SPHKAP: variants seen among roughly 807,000 people sequenced by gnomAD.
The protein encoded by SPHKAP is SPHK1 interactor, AKAP domain containing, also known as A-kinase anchor protein SPHKAP.
SPHKAP carries 67 observed loss-of-function variants against 137.5 expected under a neutral mutation model. That is an observed-to-expected ratio of 0.49 (90% CI 0.40 to 0.60). The LOEUF is 0.60. Ranked by LOEUF, SPHKAP falls within the 20% of genes least tolerant of loss-of-function variation. SPHKAP has a pLI of 0.00. For missense variants in SPHKAP, 2,097 were observed against 2,069.3 expected (o/e 1.01, Z -0.26); for synonymous variants, 813 against 785.3 (o/e 1.04, Z -0.59).
At chr2:228,011,543 T>G (rs1409321442) in intron 7 of SPHKAP, among the ~76,000 whole-genome samples, 1 of 152,170 alleles carries the variant, frequency 6.6e-6, no homozygotes, top group Non-Finnish European at 1.5e-5. Flanking sequence ...CAAATAAGGG[T>G]AAATAAAATA....
chr2:228,117,741 C>T (rs979644700), intron 2 of SPHKAP, among the ~76,000 whole-genome samples: 5 of 151,994 alleles, frequency 3.3e-5, no homozygotes, highest in African/African-American at 9.7e-5. Context: ...ACAGTTTCAT[C>T]ACCTTCCTCA....
At chr2:228,109,395 C>A (rs542758786) in intron 2 of SPHKAP, 2 of 984,176 alleles carry the variant, frequency 2.0e-6, no homozygotes, top group Non-Finnish European at 2.4e-6. Flanking sequence ...TAGCTTTGAA[C>A]TAGTGTACAA....
chr2:228,104,819 C>G (rs1698289435), intron 3 of SPHKAP, among the ~76,000 whole-genome samples: 3 of 152,024 alleles, frequency 2.0e-5, no homozygotes. Flanking sequence ...CTGACAGTAA[C>G]TATGAATAGA....
At chr2:228,097,856 A>G (rs912312593) in intron 3 of SPHKAP, among the ~76,000 whole-genome samples, 1 of 152,156 alleles carries the variant, frequency 6.6e-6, no homozygotes, top group Non-Finnish European at 1.5e-5. Context: ...GTGTATATAC[A>G]CCACATTTTC....
intron 2 of SPHKAP, among the ~76,000 whole-genome samples, chr2:228,118,821 G>A (rs1437652684): frequency 6.6e-6 from 1 of 152,038 alleles, no homozygotes; most frequent in Non-Finnish European, 1.5e-5. Flanking sequence ...CCTGCTGTCT[G>A]TACTAGGCAC....
chr2:228,125,521 C>T (rs1699048242), intron 2 of SPHKAP, among the ~76,000 whole-genome samples: 1 of 152,160 alleles, frequency 6.6e-6, no homozygotes, highest in South Asian at 2.1e-4. Context: ...AGACAGGTTA[C>T]ATCACCGGCC....
chr2:228,115,327 T>C (rs926281843), intron 2 of SPHKAP, among the ~76,000 whole-genome samples: 1 of 152,110 alleles, frequency 6.6e-6, no homozygotes, highest in African/African-American at 2.4e-5. Context: ...CACCTTGGAC[T>C]ATTCATGTCT....
chr2:228,176,066 G>A (rs1326309704), intron 1 of SPHKAP, among the ~76,000 whole-genome samples: 2 of 152,116 alleles, frequency 1.3e-5, no homozygotes, highest in East Asian at 1.9e-4. Flanking sequence ...AGTAGTTTTC[G>A]CATTTCCCAG....
chr2:228,133,284 G>A (rs1302025284), intron 1 of SPHKAP, among the ~76,000 whole-genome samples: 3 of 151,630 alleles, frequency 2.0e-5, no homozygotes, highest in African/African-American at 7.3e-5. Flanking sequence ...TCCAGCCTGG[G>A]CCACAGAGTG....
At chr2:228,114,714 T>C (rs977889661) in intron 2 of SPHKAP, among the ~76,000 whole-genome samples, 2 of 152,162 alleles carry the variant, frequency 1.3e-5, no homozygotes, top group African/African-American at 4.8e-5. Context: ...TCTTGGCCTC[T>C]TCACAACATT....
intron 3 of SPHKAP, among the ~76,000 whole-genome samples, chr2:228,056,990 A>G (rs1381704927): frequency 6.6e-6 from 1 of 152,202 alleles, no homozygotes; most frequent in Non-Finnish European, 1.5e-5. Context: ...TGCATTAAAT[A>G]TCTGCATTTG....
intron 11 of SPHKAP, 119 bp downstream of exon 11, chr2:227,990,880 GA>G (rs1301087709): frequency 2.0e-6 from 2 of 999,574 alleles, no homozygotes; most frequent in African/African-American, 3.2e-5. Flanking sequence ...GCAATTTTAA[GA>G]TCAAGAACAG....
intron 3 of SPHKAP, among the ~76,000 whole-genome samples, chr2:228,065,442 C>A (rs1440667572): frequency 6.6e-6 from 1 of 152,202 alleles, no homozygotes; most frequent in Non-Finnish European, 1.5e-5. Context: ...TTTCTATGGA[C>A]TGCTGAGAGC....
intron 3 of SPHKAP, among the ~76,000 whole-genome samples, chr2:228,041,748 C>T (rs1382500808): frequency 6.6e-6 from 1 of 151,516 alleles, no homozygotes; most frequent in Non-Finnish European, 1.5e-5. Context: ...CTGTATTACT[C>T]TATGTAATAC....
intron 2 of SPHKAP, among the ~76,000 whole-genome samples, chr2:228,127,011 T>A: frequency 6.6e-6 from 1 of 152,204 alleles, no homozygotes; most frequent in East Asian, 1.9e-4. Context: ...TAGCAATATG[T>A]CAGTTCTAAT....
chr2:228,158,483 A>G (rs1429084208), intron 1 of SPHKAP, among the ~76,000 whole-genome samples: 2 of 152,252 alleles, frequency 1.3e-5, no homozygotes, highest in East Asian at 3.9e-4. Context: ...GGAGTATGAA[A>G]GGTCAAAGTC....
At chr2:228,023,632 C>T (rs1372471470) in intron 5 of SPHKAP, among the ~76,000 whole-genome samples, 2 of 152,062 alleles carry the variant, frequency 1.3e-5, no homozygotes, top group African/African-American at 4.8e-5. Flanking sequence ...GTGCCTATTG[C>T]ATGCAAATTA....
intron 3 of SPHKAP, among the ~76,000 whole-genome samples, chr2:228,094,493 A>C (rs569272114): frequency 2.6e-5 from 4 of 152,346 alleles, no homozygotes; most frequent in South Asian, 4.1e-4. Context: ...ATATGGTGCA[A>C]ATACATTCAC....
At chr2:228,121,657 T>A (rs4973613) in intron 2 of SPHKAP, among the ~76,000 whole-genome samples, 52,011 of 152,092 alleles carry the variant, frequency 0.34, 9,177 homozygotes, top group East Asian at 0.5. Context: ...GTTTCTTGGA[T>A]GCTTTCCATC....
Sources: gnomAD v4.1 joint callset for allele counts (sites outside exome capture counted in the v4.1 genomes callset) on GRCh38, gnomAD v4.1.1 for gene constraint, MANE v1.5 for transcripts, NCBI Gene and HGNC (gene_info 2026-07-23, HGNC 2026-07-21) for gene names.